The following MBOAT1 variants were observed in gnomAD, a reference collection of about 807,000 sequenced individuals.
MBOAT1 encodes the protein membrane-bound glycerophospholipid O-acyltransferase 1.
MBOAT1 carries 67 observed loss-of-function variants against 64.4 expected under a neutral mutation model. That is an observed-to-expected ratio of 1.04 (90% CI 0.85 to 1.27). MBOAT1 has a LOEUF of 1.27. Ranked by LOEUF, MBOAT1 falls within the 50% of genes most tolerant of loss-of-function variation. The pLI, the probability that MBOAT1 is intolerant of heterozygous loss-of-function variation, is 0.00. For missense variants in MBOAT1, 563 were observed against 604.6 expected, an observed-to-expected ratio of 0.93 and a Z score of 0.72; for synonymous variants, 229 against 218.9, an observed-to-expected ratio of 1.05 and a Z score of -0.41.
intron 1 of MBOAT1, among the ~76,000 whole-genome samples, chr6:20,179,238 A>C (rs1423558510): frequency 6.6e-6 from 1 of 152,120 alleles, no homozygotes; most frequent in African/African-American, 2.4e-5. Flanking sequence ...GCTGTAGGGC[A>C]GCTCCATTAG....
chr6:20,109,902 CTTTTTTTT>C (rs1158455991), intron 11 of MBOAT1, among the ~76,000 whole-genome samples, 153 bp from the exon 12 acceptor site: 7 of 94,144 alleles, frequency 7.4e-5, no homozygotes, highest in Non-Finnish European at 9.8e-5. Flanking sequence ...ACCATCAGGA[CTTTTTTTT>C]TTTTTTTTTT....
At chr6:20,189,354 C>CATTT (rs1322539781) in intron 1 of MBOAT1, among the ~76,000 whole-genome samples, 1 of 152,194 alleles carries the variant, frequency 6.6e-6, no homozygotes, top group African/African-American at 2.4e-5. Flanking sequence ...TCACACACAT[C>CATTT]ATTTATTTGT....
intron 1 of MBOAT1, among the ~76,000 whole-genome samples, chr6:20,201,240 G>A (rs1336269656): frequency 6.6e-6 from 1 of 152,048 alleles, no homozygotes; most frequent in Non-Finnish European, 1.5e-5. Context: ...CAGAAACAAA[G>A]CCTTCAGAAA....
intron 4 of MBOAT1, among the ~76,000 whole-genome samples, chr6:20,141,822 C>T (rs983266962): frequency 5.3e-5 from 8 of 151,884 alleles, no homozygotes; most frequent in African/African-American, 1.5e-4. Context: ...GGGCAGCGGG[C>T]GGATTCTAGT....
At chr6:20,143,292 T>C (rs1333296508) in intron 4 of MBOAT1, among the ~76,000 whole-genome samples, 1 of 152,196 alleles carries the variant, frequency 6.6e-6, no homozygotes, top group Non-Finnish European at 1.5e-5. Flanking sequence ...TTTCCATCCA[T>C]AGTCTTTACC....
intron 1 of MBOAT1, among the ~76,000 whole-genome samples, chr6:20,169,339 C>A (rs1332191307): frequency 6.6e-6 from 1 of 152,052 alleles, no homozygotes; most frequent in African/African-American, 2.4e-5. Flanking sequence ...AAACACAATG[C>A]CATTTAGCTT....
chr6:20,196,036 A>G (rs1374462837), intron 1 of MBOAT1, among the ~76,000 whole-genome samples: 1 of 152,248 alleles, frequency 6.6e-6, no homozygotes, highest in African/African-American at 2.4e-5. Context: ...CACAGAGGGA[A>G]ACAGCAGATG....
At chr6:20,177,773 CAAAAA>C (rs58552446) in intron 1 of MBOAT1, among the ~76,000 whole-genome samples, 1 of 84,642 alleles carries the variant, frequency 1.2e-5, no homozygotes, top group Admixed American at 1.3e-4. Flanking sequence ...GACTCCGTCT[CAAAAA>C]AAAAAAAAAA....
chr6:20,164,373 C>T (rs1742299616), intron 1 of MBOAT1, among the ~76,000 whole-genome samples: 1 of 151,936 alleles, frequency 6.6e-6, no homozygotes, highest in Non-Finnish European at 1.5e-5. Context: ...TCTACCCTAC[C>T]AGATTGTGGT....
intron 1 of MBOAT1, among the ~76,000 whole-genome samples, chr6:20,211,551 G>A (rs982966221): frequency 6.6e-6 from 1 of 152,062 alleles, no homozygotes; most frequent in Non-Finnish European, 1.5e-5. Flanking sequence ...CCCCTAACCT[G>A]TCCTACTCAG....
rs77528924 is a variant in MBOAT1, at chr6:20,146,612, G to A, written c.324-2297C>T. ...AGTTCATGAAGCTCAAGGCAGAAAC[G>A]CAAAGCAGACTCAAAAGATAGATTC... On this transcript the variant is annotated intron_variant, in intron 3 of 12. Coordinates refer to ENST00000324607, the MANE Select transcript of MBOAT1 (RefSeq NM_001080480.3). Among the ~76,000 whole-genome samples, 51 of 152,252 alleles carry A rather than the reference G, an allele frequency of 3.3e-4. No individual in the cohort carries two copies. In the East Asian group the frequency reaches 9.3e-3, roughly 28 times the overall value.
At chr6:20,175,867 G>T (rs554818883) in intron 1 of MBOAT1, among the ~76,000 whole-genome samples, 1 of 152,210 alleles carries the variant, frequency 6.6e-6, no homozygotes, top group East Asian at 1.9e-4. Flanking sequence ...GCCTCCCAAA[G>T]TGCTAGGATC....
chr6:20,177,644 G>GC (rs776300236), intron 1 of MBOAT1, among the ~76,000 whole-genome samples: 177 of 152,070 alleles, frequency 1.2e-3, no homozygotes, highest in Non-Finnish European at 1.8e-3. Context: ...CATGGTGGTG[G>GC]GAGCCTGTAG....
At chr6:20,202,676 T>G (rs930968519) in intron 1 of MBOAT1, among the ~76,000 whole-genome samples, 1 of 152,158 alleles carries the variant, frequency 6.6e-6, no homozygotes, top group Non-Finnish European at 1.5e-5. Flanking sequence ...TTGCAGATAG[T>G]TACATTTCTT....
intron 1 of MBOAT1, among the ~76,000 whole-genome samples, chr6:20,157,739 T>TAA (rs200376274): frequency 1.5e-3 from 208 of 142,582 alleles, no homozygotes; most frequent in African/African-American, 5.0e-3. Flanking sequence ...CGTTAAACTG[T>TAA]AAAAAAAAAA....
chr6:20,189,414 G>C (rs1009215162), intron 1 of MBOAT1, among the ~76,000 whole-genome samples: 1 of 152,070 alleles, frequency 6.6e-6, no homozygotes, highest in Non-Finnish European at 1.5e-5. Flanking sequence ...TTAAGAGACA[G>C]GGTCTCACTA....
chr6:20,102,161 A>C lies in MBOAT1; in HGVS notation c.*125T>G, dbSNP rs1053119073. 2 of 891,708 alleles carry C rather than the reference A, an allele frequency of 2.2e-6. No individual in the cohort carries two copies. Among genetic ancestry groups the C allele is most frequent in the Middle Eastern group, 2.8e-4 (1 of 3,586 alleles). The allele number at this position is 891,708 out of a possible 1,614,324, so 55.2% of individuals were successfully genotyped here. A position where few individuals can be genotyped will look rare whatever the true frequency, so the allele number is the denominator to read the frequency against. On this transcript the variant is annotated 3_prime_UTR_variant, in exon 13 of 13. Coordinates refer to ENST00000324607, the MANE Select transcript of MBOAT1 (RefSeq NM_001080480.3). ...AAAAAAAAAATACTCCCTGCACTTT[A>C]AAAAAGAACAAAATAAAGATGCATG...
chr6:20,162,758 G>A (rs902204270), intron 1 of MBOAT1, among the ~76,000 whole-genome samples: 1 of 152,222 alleles, frequency 6.6e-6, no homozygotes, highest in Non-Finnish European at 1.5e-5. Flanking sequence ...GGCCTCTCAA[G>A]ATCTCATTCT....
At chr6:20,161,890 G>A (rs1217602877) in intron 1 of MBOAT1, among the ~76,000 whole-genome samples, 14 of 152,090 alleles carry the variant, frequency 9.2e-5, no homozygotes, top group Non-Finnish European at 1.8e-4. Context: ...GTGGGTTGGG[G>A]GGCAAAACAC....
Sources: gnomAD v4.1 joint callset for allele counts (sites outside exome capture counted in the v4.1 genomes callset) on GRCh38, gnomAD v4.1.1 for gene constraint, MANE v1.5 for transcripts, NCBI Gene and HGNC (gene_info 2026-07-23, HGNC 2026-07-21) for gene names.